PRKN: variants seen among roughly 807,000 people sequenced by gnomAD.
The protein encoded by PRKN is E3 ubiquitin-protein ligase parkin.
A neutral mutation model predicts 59.5 loss-of-function variants in PRKN; 56 were observed. The observed-to-expected ratio is 0.94, with a 90% CI of 0.76 to 1.18. The LOEUF (loss-of-function observed/expected upper bound fraction) is 1.18, where lower values mean the gene tolerates loss of function less well. Among genes scored for constraint, PRKN ranks in the 50% most tolerant of loss-of-function variants. The probability of loss-of-function intolerance (pLI) is 0.00; values close to 1 mark genes in which losing one functional copy is unlikely to be tolerated. For synonymous variants in PRKN, 250 were observed against 222.1 expected (o/e 1.13, Z -1.12); for missense variants, 657 against 596.4 (o/e 1.10, Z -1.06).
At chr6:161,514,849 G>A (rs1013259321) in intron 9 of PRKN, among the ~76,000 whole-genome samples, 5 of 152,128 alleles carry the variant, frequency 3.3e-5, no homozygotes, top group Admixed American at 1.3e-4. Flanking sequence ...AGTCCAGAGC[G>A]GCAAGCTCCT....
intron 4 of PRKN, among the ~76,000 whole-genome samples, chr6:162,160,657 G>GA (rs1310285047): frequency 2.0e-5 from 3 of 151,656 alleles, no homozygotes; most frequent in Admixed American, 6.6e-5. Context: ...GTGTGAGAGA[G>GA]AAAAAAAGAC....
intron 2 of PRKN, among the ~76,000 whole-genome samples, chr6:162,347,235 G>T (rs1326567422): frequency 6.8e-6 from 1 of 147,664 alleles, no homozygotes; most frequent in Non-Finnish European, 1.5e-5. Context: ...CTAATTTTCA[G>T]CCTCTGTTCC....
chr6:161,367,477 T>C (rs1242266575), intron 10 of PRKN, among the ~76,000 whole-genome samples: 2 of 151,778 alleles, frequency 1.3e-5, no homozygotes, highest in Non-Finnish European at 2.9e-5. Flanking sequence ...TTTCTTTTTT[T>C]TTTTTTTCTG....
At position 161,903,232 on chromosome 6, in the gene PRKN, C is replaced by G. The variant is rs112174072; in HGVS notation, c.734+70070G>C. On this transcript the variant is annotated intron_variant, in intron 6 of 11. Coordinates refer to ENST00000366898, the MANE Select transcript of PRKN (RefSeq NM_004562.3). ...TAGAGCCAACTGTGTCTTTCCTTCCCAAGTCTGTACTCAGTGAGGAGACAC... is the reference window on the plus strand; with the variant it reads ...TAGAGCCAACTGTGTCTTTCCTTCCGAAGTCTGTACTCAGTGAGGAGACAC... Among the ~76,000 whole-genome samples the G allele has an allele frequency of 2.1e-3, 275 of 131,352 alleles. 1 individual carries two copies. The highest frequency in any genetic ancestry group is 8.9e-3 in the African/African-American group (267 of 29,976). 86.2% of individuals were successfully genotyped at this position (131,352 alleles called of 152,430 possible). A position where few individuals can be genotyped will look rare whatever the true frequency, so the allele number is the denominator to read the frequency against.
At chr6:162,189,867 G>A (rs1005045369) in intron 4 of PRKN, among the ~76,000 whole-genome samples, 1 of 151,846 alleles carries the variant, frequency 6.6e-6, no homozygotes, top group Non-Finnish European at 1.5e-5. Context: ...ATTATGGGAG[G>A]AGTAGAGTTC....
intron 4 of PRKN, among the ~76,000 whole-genome samples, chr6:162,111,905 A>T (rs1780455530): frequency 6.6e-6 from 1 of 152,204 alleles, no homozygotes; most frequent in Non-Finnish European, 1.5e-5. Context: ...TTGAATCCAA[A>T]GTTTCGTTCC....
chr6:161,905,935 A>AG (rs199720568), intron 6 of PRKN, among the ~76,000 whole-genome samples: 13 of 149,442 alleles, frequency 8.7e-5, no homozygotes, highest in East Asian at 1.9e-4. Context: ...ATCTAAAAAA[A>AG]AAAAAAAAAA....
In PRKN at chr6:161,502,092, TAA is replaced by T. The variant is rs768769704; in HGVS notation, c.1083+46760_1083+46761del. 4.6e-5 allele frequency among the ~76,000 whole-genome samples: 7 copies of T among 152,158 alleles called. No individual in the cohort carries two copies. Among genetic ancestry groups the T allele is most frequent in the Non-Finnish European group, 1.0e-4 (7 of 68,018 alleles). On this transcript the variant is annotated intron_variant, in intron 9 of 11. Transcript: ENST00000366898. The surrounding 1 kb of genome is among the most constrained non-coding windows in gnomAD (Gnocchi z 4.0). The stretch of plus-strand genomic sequence containing the variant: ...ATAAAAGCTTTTTTATGAGTTGTGT[TAA>T]AAACTGCTTTTTGTGGATCACATGA...
intron 2 of PRKN, among the ~76,000 whole-genome samples, chr6:162,399,623 C>T (rs1787657137): frequency 6.6e-6 from 1 of 151,936 alleles, no homozygotes; most frequent in Admixed American, 6.6e-5. Context: ...TAAGAAATCT[C>T]ATCAGAAAAA....
Position 161,558,649 on chromosome 6 carries a change from T to C in PRKN, c.934-9646A>G, listed in dbSNP as rs139631547. On this transcript the variant is annotated intron_variant, in intron 8 of 11. Coordinates refer to ENST00000366898, the MANE Select transcript of PRKN (RefSeq NM_004562.3). ...AAATAGTTTATTATAGAACTTCCTCTTTGGATTAAAAAAACTATAATAACG... is the reference window on the plus strand; with the variant it reads ...AAATAGTTTATTATAGAACTTCCTCCTTGGATTAAAAAAACTATAATAACG... 3.8e-3 allele frequency among the ~76,000 whole-genome samples: 580 copies of C among 152,246 alleles called. 2 individuals are homozygous for C. The highest frequency in any genetic ancestry group is 0.013 in the African/African-American group (559 of 41,544).
intron 6 of PRKN, among the ~76,000 whole-genome samples, chr6:161,926,799 AG>A: frequency 6.6e-6 from 1 of 152,280 alleles, no homozygotes; most frequent in African/African-American, 2.4e-5. Context: ...AGCCTACGAG[AG>A]ATATAACTGT....
At chr6:162,414,563 T>G (rs1359426607) in intron 2 of PRKN, among the ~76,000 whole-genome samples, 1 of 150,284 alleles carries the variant, frequency 6.7e-6, no homozygotes, top group Non-Finnish European at 1.5e-5. Context: ...AAAAAAAAAT[T>G]AGCCGCGCAT....
intron 4 of PRKN, among the ~76,000 whole-genome samples, chr6:162,077,753 A>C (rs1167016710): frequency 6.6e-6 from 1 of 152,016 alleles, no homozygotes; most frequent in Non-Finnish European, 1.5e-5. Context: ...TAATCCCAGA[A>C]CTTTGAGAGG....
chr6:161,704,703 C>T (rs1786408549), intron 7 of PRKN, among the ~76,000 whole-genome samples: 3 of 152,150 alleles, frequency 2.0e-5, no homozygotes, highest in South Asian at 2.1e-4. Flanking sequence ...GTGCCTCATC[C>T]GGTCATTTCT....
chr6:161,971,038 C>T (rs971319587), intron 6 of PRKN, among the ~76,000 whole-genome samples: 2 of 152,150 alleles, frequency 1.3e-5, no homozygotes, highest in African/African-American at 4.8e-5. Flanking sequence ...GGCTGCCTTA[C>T]ACGAGAAGGG....
intron 5 of PRKN, among the ~76,000 whole-genome samples, chr6:162,010,320 A>C (rs867971266): frequency 1.6e-5 from 2 of 124,900 alleles, no homozygotes; most frequent in African/African-American, 3.1e-5. Context: ...TATTTTATAT[A>C]TTTATAATAT....
chr6:161,712,677 T>A (rs1439312888), intron 7 of PRKN, among the ~76,000 whole-genome samples: 1 of 152,154 alleles, frequency 6.6e-6, no homozygotes, highest in Non-Finnish European at 1.5e-5. Context: ...AACTCTACTC[T>A]CTTTTTCACT....
intron 3 of PRKN, among the ~76,000 whole-genome samples, chr6:162,252,244 T>C (rs1265536215): frequency 6.6e-6 from 1 of 152,216 alleles, no homozygotes; most frequent in African/African-American, 2.4e-5. Context: ...ATGGTAGCAC[T>C]AAACGATACA....
intron 7 of PRKN, among the ~76,000 whole-genome samples, chr6:161,772,262 C>T (rs1789726069): frequency 6.6e-6 from 1 of 152,114 alleles, no homozygotes; most frequent in South Asian, 2.1e-4. Context: ...ACCCACATGG[C>T]CCTGCTTTCT....
Sources: allele counts gnomAD v4.1 joint callset (sites outside exome capture counted in the v4.1 genomes callset), GRCh38; gene constraint gnomAD v4.1.1; non-coding constraint Gnocchi (gnomAD v3.1); transcripts MANE v1.5; gene names NCBI Gene and HGNC (gene_info 2026-07-23, HGNC 2026-07-21).